HS2ST1: variants seen among roughly 807,000 people sequenced by gnomAD.
HS2ST1 encodes heparan sulfate 2-O-sulfotransferase 1.
In HS2ST1, 18 loss-of-function variants were observed where a neutral mutation model predicts 42.9. The observed-to-expected ratio is 0.42, with a 90% CI of 0.29 to 0.62. The LOEUF is 0.62. HS2ST1 is among the 20% of genes least tolerant of loss of function. The probability of loss-of-function intolerance (pLI) is 0.21; values close to 1 mark genes in which losing one functional copy is unlikely to be tolerated. For synonymous variants in HS2ST1, 146 were observed against 152.9 expected (o/e 0.95, Z 0.33); for missense variants, 334 against 433.8 (o/e 0.77, Z 2.04).
intron 1 of HS2ST1, among the ~76,000 whole-genome samples, chr1:86,953,168 C>T (rs1647573391): frequency 6.6e-6 from 1 of 152,172 alleles, no homozygotes; most frequent in African/African-American, 2.4e-5. Context: ...TAGCTTCATA[C>T]TTTACTTCTG....
intron 1 of HS2ST1, among the ~76,000 whole-genome samples, chr1:87,023,471 A>G (rs931517805): frequency 6.6e-6 from 1 of 151,918 alleles, no homozygotes; most frequent in Non-Finnish European, 1.5e-5. Context: ...ATGTTAAAAA[A>G]AAAAAAAGTA....
At chr1:87,024,344 AT>A (rs553706797) in intron 1 of HS2ST1, among the ~76,000 whole-genome samples, 2 of 152,228 alleles carry the variant, frequency 1.3e-5, no homozygotes, top group Admixed American at 1.3e-4. Flanking sequence ...TCTACTAAAA[AT>A]ACAAAAATTA....
chr1:86,959,730 T>G (rs1647777168), intron 1 of HS2ST1, among the ~76,000 whole-genome samples: 1 of 81,996 alleles, frequency 1.2e-5, no homozygotes, highest in Non-Finnish European at 2.3e-5. Context: ...AGTCCTTAGA[T>G]ATAAATCTTG....
intron 1 of HS2ST1, among the ~76,000 whole-genome samples, chr1:86,998,270 T>C (rs1036041078): frequency 1.3e-5 from 2 of 152,212 alleles, no homozygotes; most frequent in African/African-American, 4.8e-5. Context: ...ATTTAATGCA[T>C]GACCAAATAC....
chr1:87,041,002 C>T (rs1262904045), intron 1 of HS2ST1, among the ~76,000 whole-genome samples: 1 of 152,068 alleles, frequency 6.6e-6, no homozygotes. Context: ...CCACTAAGCT[C>T]TCCTCTGTCT....
chr1:87,021,471 G>A (rs1649949352), intron 1 of HS2ST1, among the ~76,000 whole-genome samples: 1 of 152,092 alleles, frequency 6.6e-6, no homozygotes, highest in Non-Finnish European at 1.5e-5. Context: ...ATTAAATAAG[G>A]CTTATCTGAT....
chr1:86,931,630 G>GT (rs561531309), intron 1 of HS2ST1, among the ~76,000 whole-genome samples: 1 of 152,034 alleles, frequency 6.6e-6, no homozygotes, highest in South Asian at 2.1e-4. Context: ...TTAGGATTTT[G>GT]TGCCGTACAT....
chr1:86,934,394 C>T (rs1038789874), intron 1 of HS2ST1: 3 of 152,392 alleles, frequency 2.0e-5, no homozygotes, highest in African/African-American at 7.2e-5. Flanking sequence ...GGAAAGTTTC[C>T]TCTGTCTCTC....
At chr1:87,028,311 A>G (rs1052834845) in intron 1 of HS2ST1, among the ~76,000 whole-genome samples, 11 of 152,272 alleles carry the variant, frequency 7.2e-5, no homozygotes, top group African/African-American at 2.7e-4. Flanking sequence ...ACTCAGAGCC[A>G]GGGGAGAAGC....
intron 4 of HS2ST1, among the ~76,000 whole-genome samples, chr1:87,097,377 G>T (rs893951124): frequency 6.6e-6 from 1 of 152,014 alleles, no homozygotes; most frequent in Non-Finnish European, 1.5e-5. Flanking sequence ...GGCAGTATGT[G>T]ATTTTGTTTT....
rs567820280 is a variant in HS2ST1, at chr1:87,023,304, A to C, written c.125-49630A>C. ...ATGTATTTACAAGGATATTCATTGCAGCAGTTTTTTTTGTCATAAAAAAAG... is the reference window on the plus strand; with the variant it reads ...ATGTATTTACAAGGATATTCATTGCCGCAGTTTTTTTTGTCATAAAAAAAG... On this transcript the variant is annotated intron_variant, in intron 1 of 6. Transcript: ENST00000370550. Among the ~76,000 whole-genome samples the C allele has an allele frequency of 1.9e-3, 291 of 152,296 alleles. 1 individual carries two copies. The highest frequency in any genetic ancestry group is 6.7e-3 in the African/African-American group (278 of 41,572).
chr1:87,109,067 A>G lies in HS2ST1; in HGVS notation c.*4371A>G, dbSNP rs1276711482. ...TTCCAACTTGAAACCATTTTGTCACATCTGTTGGAGAGATAATCACTCCTT... is the reference window on the plus strand; with the variant it reads ...TTCCAACTTGAAACCATTTTGTCACGTCTGTTGGAGAGATAATCACTCCTT... On this transcript the variant is annotated 3_prime_UTR_variant, in exon 7 of 7. Coordinates refer to ENST00000370550, the MANE Select transcript of HS2ST1 (RefSeq NM_012262.4). The G allele has an allele frequency of 6.6e-6, 1 of 152,420 alleles. No individual in the cohort carries two copies. The highest frequency in any genetic ancestry group is 1.9e-4 in the East Asian group (1 of 5,190). 9.4% of individuals were successfully genotyped at this position (152,420 alleles called of 1,614,324 possible).
chr1:87,060,883 G>A (rs1211646216), intron 1 of HS2ST1, among the ~76,000 whole-genome samples: 1 of 151,940 alleles, frequency 6.6e-6, no homozygotes, highest in Non-Finnish European at 1.5e-5. Context: ...TTGGATTGAT[G>A]GGGTATTTAA....
chr1:86,939,713 CGT>C (rs1660725454), intron 1 of HS2ST1, among the ~76,000 whole-genome samples: 1 of 152,126 alleles, frequency 6.6e-6, no homozygotes, highest in African/African-American at 2.4e-5. Context: ...CACAATAACA[CGT>C]GTTAAAATTG....
At chr1:87,080,834 A>G (rs548323315) in intron 2 of HS2ST1, among the ~76,000 whole-genome samples, 56 of 152,296 alleles carry the variant, frequency 3.7e-4, no homozygotes, top group African/African-American at 1.3e-3. Context: ...ATCAGAAAGT[A>G]ACAAGGGGCA....
chr1:86,925,201 C>T (rs962381826), intron 1 of HS2ST1, among the ~76,000 whole-genome samples: 5 of 152,162 alleles, frequency 3.3e-5, no homozygotes, highest in African/African-American at 1.2e-4. Flanking sequence ...TTCCTTGTCT[C>T]CATCTGAGAC....
At chr1:87,084,829 C>T (rs1395813610) in intron 3 of HS2ST1, among the ~76,000 whole-genome samples, 1 of 148,764 alleles carries the variant, frequency 6.7e-6, no homozygotes, top group African/African-American at 2.6e-5. Flanking sequence ...GCTCTCTCTC[C>T]CTCCCTGTCA....
chr1:86,916,090 A>G (rs914590490), intron 1 of HS2ST1, among the ~76,000 whole-genome samples: 2 of 152,200 alleles, frequency 1.3e-5, no homozygotes, highest in African/African-American at 4.8e-5. Context: ...GGCCAGAAAA[A>G]AGCACAGATA....
At chr1:86,955,349 T>C (rs1458887594) in intron 1 of HS2ST1, among the ~76,000 whole-genome samples, 1 of 152,052 alleles carries the variant, frequency 6.6e-6, no homozygotes, top group Admixed American at 6.6e-5. Flanking sequence ...TAGATTCTCA[T>C]GGGAACGTGA....
Sources: allele counts gnomAD v4.1 joint callset (sites outside exome capture counted in the v4.1 genomes callset), GRCh38; gene constraint gnomAD v4.1.1; transcripts MANE v1.5; gene names NCBI Gene and HGNC (gene_info 2026-07-23, HGNC 2026-07-21).